The following BCAT1 variants were observed in gnomAD, a reference collection of about 807,000 sequenced individuals.
BCAT1 encodes branched chain amino acid transaminase 1, also known as branched-chain-amino-acid aminotransferase, cytosolic.
In BCAT1, 48 loss-of-function variants were observed where a neutral mutation model predicts 52.4. That is an observed-to-expected ratio of 0.92 (90% CI 0.73 to 1.16). The LOEUF (loss-of-function observed/expected upper bound fraction) is 1.16. Ranked by LOEUF, BCAT1 falls within the 50% of genes most tolerant of loss-of-function variation. The pLI, the probability that BCAT1 is intolerant of heterozygous loss-of-function variation, is 0.00. For missense variants in BCAT1, 451 were observed against 457.1 expected, an observed-to-expected ratio of 0.99 and a Z score of 0.12; for synonymous variants, 167 against 161.3, an observed-to-expected ratio of 1.04 and a Z score of -0.27.
chr12:24,848,418 A>G (rs1338980932), intron 6 of BCAT1, among the ~76,000 whole-genome samples: 1 of 152,218 alleles, frequency 6.6e-6, no homozygotes, highest in Admixed American at 6.5e-5. Flanking sequence ...TACAGTGATC[A>G]TGTATTCTGC....
chr12:24,935,750 A>G (rs143339082), intron 1 of BCAT1, among the ~76,000 whole-genome samples: 1 of 152,342 alleles, frequency 6.6e-6, no homozygotes, highest in Admixed American at 6.5e-5. Flanking sequence ...AGCTAAGCCA[A>G]ATATCCAAGT....
chr12:24,839,895 C>G (rs950609007), intron 7 of BCAT1, among the ~76,000 whole-genome samples: 1 of 151,708 alleles, frequency 6.6e-6, no homozygotes, highest in Non-Finnish European at 1.5e-5. Context: ...TTTTTTTTAG[C>G]CCAAAGGTTT....
intron 1 of BCAT1, among the ~76,000 whole-genome samples, chr12:24,910,319 G>A (rs1278101643): frequency 6.6e-6 from 1 of 152,042 alleles, no homozygotes; most frequent in East Asian, 1.9e-4. Context: ...GGAGGTTGCA[G>A]TGAGCCGAGA....
At chr12:24,913,291 C>T (rs920781636) in intron 1 of BCAT1, among the ~76,000 whole-genome samples, 1 of 152,142 alleles carries the variant, frequency 6.6e-6, no homozygotes, top group Non-Finnish European at 1.5e-5. Context: ...AATAAAAACA[C>T]CACAAGGAAG....
intron 5 of BCAT1, among the ~76,000 whole-genome samples, chr12:24,872,210 C>A (rs955621664): frequency 1.3e-5 from 2 of 152,098 alleles, no homozygotes; most frequent in Non-Finnish European, 2.9e-5. Context: ...ATTGTATGTT[C>A]AATCTTAAGA....
intron 5 of BCAT1, among the ~76,000 whole-genome samples, chr12:24,854,036 G>A (rs1278235486): frequency 1.3e-5 from 2 of 152,130 alleles, no homozygotes; most frequent in African/African-American, 4.8e-5. Flanking sequence ...CAAATACATG[G>A]CAAATACATA....
chr12:24,934,570 T>G (rs924013875), intron 1 of BCAT1, among the ~76,000 whole-genome samples: 1 of 152,222 alleles, frequency 6.6e-6, no homozygotes, highest in African/African-American at 2.4e-5. Flanking sequence ...TTTATTTTTT[T>G]GAGACAGAGT....
intron 5 of BCAT1, among the ~76,000 whole-genome samples, chr12:24,850,224 G>A (rs1162965248): frequency 6.6e-6 from 1 of 152,156 alleles, no homozygotes; most frequent in East Asian, 1.9e-4. Flanking sequence ...GTAGGGTTTT[G>A]GAGGACAGAC....
intron 5 of BCAT1, among the ~76,000 whole-genome samples, chr12:24,870,280 T>C (rs1004297114): frequency 5.3e-5 from 8 of 152,204 alleles, no homozygotes; most frequent in African/African-American, 1.9e-4. Context: ...GTGTATGTTA[T>C]ATGATATATA....
At chr12:24,918,338 C>A (rs938000606) in intron 1 of BCAT1, among the ~76,000 whole-genome samples, 1 of 152,200 alleles carries the variant, frequency 6.6e-6, no homozygotes, top group Non-Finnish European at 1.5e-5. Context: ...AGGTAACCGG[C>A]CAGTGCTCCC....
upstream of BCAT1, chr12:24,949,257 A>C: frequency 4.4e-6 from 2 of 453,078 alleles, no homozygotes; most frequent in East Asian, 3.9e-5. Flanking sequence ...CTCACTGCTC[A>C]CTCCCGGGGT....
chr12:24,873,022 G>A (rs759609344), intron 5 of BCAT1, among the ~76,000 whole-genome samples: 2 of 152,192 alleles, frequency 1.3e-5, no homozygotes, highest in Non-Finnish European at 2.9e-5. Flanking sequence ...AGGAAATAAA[G>A]GTCTGGGTCT....
At chr12:24,891,394 C>T (rs2139642752) in intron 3 of BCAT1, among the ~76,000 whole-genome samples, 1 of 152,278 alleles carries the variant, frequency 6.6e-6, no homozygotes, top group East Asian at 1.9e-4. Context: ...AGCCTGTGAG[C>T]TGACTCTAAC....
chr12:24,822,887 T>G (rs1940201158), intron 10 of BCAT1, among the ~76,000 whole-genome samples: 1 of 152,202 alleles, frequency 6.6e-6, no homozygotes, highest in Non-Finnish European at 1.5e-5. Context: ...TCATTTCTTA[T>G]TGGCCATAAG....
chr12:24,823,392 C>T (rs1327187849), intron 10 of BCAT1, among the ~76,000 whole-genome samples: 1 of 151,904 alleles, frequency 6.6e-6, no homozygotes, highest in African/African-American at 2.4e-5. Flanking sequence ...CATTTTTTTG[C>T]CCCCTTTTTC....
In BCAT1 at chr12:24,812,681, T is replaced by G. The variant is rs1716865148; in HGVS notation, c.*5327A>C. 2.0e-5 allele frequency: 3 copies of G among 151,996 alleles called. No homozygotes were observed. Among genetic ancestry groups the G allele is most frequent in the Admixed American group, 2.0e-4 (3 of 15,244 alleles). 9.4% of individuals were successfully genotyped at this position (151,996 alleles called of 1,614,324 possible). A position where few individuals can be genotyped will look rare whatever the true frequency, so the allele number is the denominator to read the frequency against. On this transcript the variant is annotated 3_prime_UTR_variant, in exon 11 of 11. Coordinates refer to ENST00000261192, the MANE Select transcript of BCAT1 (RefSeq NM_005504.7). Reference sequence around the variant, plus strand: ...TTGGATAACACAAAAATATGTTTTGTTTTTTTCCCCTCCTCTATCATTCCT... The same window carrying G: ...TTGGATAACACAAAAATATGTTTTGGTTTTTTCCCCTCCTCTATCATTCCT...
At chr12:24,916,642 G>A (rs1331133861) in intron 1 of BCAT1, among the ~76,000 whole-genome samples, 1 of 152,172 alleles carries the variant, frequency 6.6e-6, no homozygotes, top group Non-Finnish European at 1.5e-5. Context: ...CAAGGTTCAA[G>A]CTATTCTCCT....
intron 1 of BCAT1, among the ~76,000 whole-genome samples, chr12:24,918,429 T>C (rs184713918): frequency 1.3e-5 from 2 of 152,284 alleles, no homozygotes; most frequent in African/African-American, 4.8e-5. Flanking sequence ...GGAACACATA[T>C]TAACAACATA....
In BCAT1 at chr12:24,874,534, T is replaced by G. The variant is rs114224034; in HGVS notation, c.510+3996A>C. On this transcript the variant is annotated intron_variant, in intron 5 of 10. Coordinates refer to ENST00000261192, the MANE Select transcript of BCAT1 (RefSeq NM_005504.7). Reference sequence around the variant, plus strand: ...AGTGAACTCAACACTGCCATTAGGATGAAGTTTAGCTTTCAATTATATAAA... The same window carrying G: ...AGTGAACTCAACACTGCCATTAGGAGGAAGTTTAGCTTTCAATTATATAAA... Among the ~76,000 whole-genome samples, 1,126 of 152,338 alleles carry G rather than the reference T, an allele frequency of 7.4e-3. 9 individuals carry two copies. Among genetic ancestry groups the G allele is most frequent in the African/African-American group, 0.026 (1,090 of 41,570 alleles).
Sources: gnomAD v4.1 joint callset for allele counts (sites outside exome capture counted in the v4.1 genomes callset) on GRCh38, gnomAD v4.1.1 for gene constraint, MANE v1.5 for transcripts, NCBI Gene and HGNC (gene_info 2026-07-23, HGNC 2026-07-21) for gene names.